Variants in ZNF93 observed in about 807,000 individuals in gnomAD.
ZNF93 encodes zinc finger protein 93.
A neutral mutation model predicts 45.0 loss-of-function variants in ZNF93; 29 were observed. The observed-to-expected ratio is 0.64, with a 90% CI of 0.48 to 0.88. ZNF93 has a LOEUF of 0.88. Among genes scored for constraint, ZNF93 ranks in the 40% least tolerant of loss-of-function variants. ZNF93 has a pLI of 0.00. For missense variants in ZNF93, 578 were observed against 724.0 expected, an observed-to-expected ratio of 0.80 and a Z score of 2.31; for synonymous variants, 223 against 244.6, an observed-to-expected ratio of 0.91 and a Z score of 0.82.
chr19:19,910,917 A>G (rs2063305918), intron 1 of ZNF93, among the ~76,000 whole-genome samples: 1 of 152,280 alleles, frequency 6.6e-6, no homozygotes, highest in African/African-American at 2.4e-5. Context: ...TACAGCCCCC[A>G]TTTGGGAGTG....
intron 3 of ZNF93, among the ~76,000 whole-genome samples, chr19:19,924,091 CTTT>C (rs1599571585): frequency 6.6e-6 from 1 of 151,904 alleles, no homozygotes; most frequent in African/African-American, 2.4e-5. Context: ...CTTCTTTCTT[CTTT>C]CTTTTGTTTT....
chr19:19,914,218 G>A (rs569941542), intron 1 of ZNF93, among the ~76,000 whole-genome samples: 44 of 152,192 alleles, frequency 2.9e-4, no homozygotes, highest in Admixed American at 6.5e-4. Flanking sequence ...GCCTCCACTC[G>A]TGTTCCATTA....
chr19:19,935,367 G>A lies in ZNF93; in HGVS notation c.*549G>A, dbSNP rs1301522680. On this transcript the variant is annotated 3_prime_UTR_variant, in exon 4 of 4. Coordinates refer to ENST00000343769, the MANE Select transcript of ZNF93 (RefSeq NM_031218.4). ...AAAACCCCTCATCACTACAAATTCA[G>A]AGGGCATCTCATCACCCTAAGGGCC... 1 of 153,590 alleles carries A rather than the reference G, an allele frequency of 6.5e-6. No homozygotes were observed. The highest frequency in any genetic ancestry group is 1.4e-5 in the Non-Finnish European group (1 of 69,132). 9.5% of individuals were successfully genotyped at this position (153,590 alleles called of 1,614,324 possible).
intron 3 of ZNF93, chr19:19,927,401 G>A: frequency 2.6e-6 from 1 of 388,222 alleles, no homozygotes; most frequent in African/African-American, 2.1e-5. Flanking sequence ...TATTCACATT[G>A]TTATGCAAAA....
In ZNF93 at chr19:19,934,702, C is replaced by T. The variant is rs775882165; in HGVS notation, c.1747C>T (p.His583Tyr). 1 of 1,613,610 alleles carries T rather than the reference C, an allele frequency of 6.2e-7. No homozygotes were observed. Among genetic ancestry groups the T allele is most frequent in the African/African-American group, 1.3e-5 (1 of 75,014 alleles). ...TAACCATTCTGCAACCCTTTCTTCA[C>T]ATAAGAAAATCCATTCTGGAGAGAA... is the stretch of plus-strand genomic sequence containing the variant. ...AFNHSATLSS[H>Y]KKIHSGEKPY... The change falls in exon 4 of 4, where the codon CAT becomes TAT. Residue 583 changes from histidine to tyrosine, a missense_variant. This residue lies in a region of ZNF93 where 119 missense variants were observed against 123.1 expected (regional missense o/e 0.97). Transcript: ENST00000343769.
Position 19,921,247 on chromosome 19 carries a change from C to G in ZNF93, c.226+4592C>G, listed in dbSNP as rs545087366. ...GTTGTTCAGTTTCCATGTAGTTGAG[C>G]GGTTTTGAGTGAGTTTCTTAATCCT... On this transcript the variant is annotated intron_variant, in intron 3 of 3. Coordinates refer to ENST00000343769, the MANE Select transcript of ZNF93 (RefSeq NM_031218.4). 3.3e-5 allele frequency among the ~76,000 whole-genome samples: 5 copies of G among 152,120 alleles called. No individual in the cohort carries two copies. In the South Asian group the frequency reaches 1.0e-3, roughly 32 times the overall value.
chr19:19,927,085 T>C, intron 3 of ZNF93: 1 of 398,590 alleles, frequency 2.5e-6, no homozygotes, highest in East Asian at 3.6e-5. Context: ...TTTACCATCT[T>C]AAATTTATTG....
At chr19:19,910,329 T>C (rs2063304224) in intron 1 of ZNF93, among the ~76,000 whole-genome samples, 1 of 152,194 alleles carries the variant, frequency 6.6e-6, no homozygotes, top group South Asian at 2.1e-4. Flanking sequence ...TATGTATTCA[T>C]CTCTTGAAAC....
At chr19:19,927,430 A>G (rs2063359679) in intron 3 of ZNF93, 2 of 370,788 alleles carry the variant, frequency 5.4e-6, no homozygotes, top group Non-Finnish European at 9.5e-6. Context: ...GAAACTTAAC[A>G]TCTTGTAAAA....
chr19:19,904,604 A>C (rs2063286985), intron 1 of ZNF93, among the ~76,000 whole-genome samples: 1 of 152,198 alleles, frequency 6.6e-6, no homozygotes, highest in African/African-American at 2.4e-5. Flanking sequence ...ATGTTAGACA[A>C]TGAGTTGGTG....
At position 19,902,952 on chromosome 19, in the gene ZNF93, G is replaced by A. The variant is rs2063279646; in HGVS notation, c.3+1861G>A. On this transcript the variant is annotated intron_variant, in intron 1 of 3. Coordinates refer to ENST00000343769, the MANE Select transcript of ZNF93 (RefSeq NM_031218.4). ...GACGGGGTTTCACCGTGTGAGCCAG[G>A]ATGGTCTCGATCTCATGACCTCATG... Among the ~76,000 whole-genome samples, 3 of 151,576 alleles carry A rather than the reference G, an allele frequency of 2.0e-5. No individual in the cohort carries two copies. The South Asian group carries it at 6.3e-4, about 32-fold the overall frequency.
At chr19:19,909,110 A>G (rs2063300843) in intron 1 of ZNF93, 1 of 152,240 alleles carries the variant, frequency 6.6e-6, no homozygotes, top group African/African-American at 2.4e-5. Context: ...AATTCTATCC[A>G]TGACGCCTGC....
chr19:19,924,076 C>T (rs2063349532), intron 3 of ZNF93, among the ~76,000 whole-genome samples: 1 of 151,870 alleles, frequency 6.6e-6, no homozygotes, highest in Non-Finnish European at 1.5e-5. Flanking sequence ...TTCCTTCCTT[C>T]CTTCCTTCTT....
chr19:19,929,806 C>T (rs1387397593), intron 3 of ZNF93, among the ~76,000 whole-genome samples: 4 of 150,578 alleles, frequency 2.7e-5, no homozygotes, highest in Admixed American at 6.6e-5. Flanking sequence ...GGCGTAGTGG[C>T]GGGCGCCTGT....
At position 19,933,373 on chromosome 19, in the gene ZNF93, A is replaced by G. The variant is rs752817249; in HGVS notation, c.418A>G (p.Thr140Ala). ...TGGACTTAACCAGTGTAGTACAACT[A>G]CCCAGAGCAAAGTATTTCAATGTGA... ...YNGLNQCSTT[T>A]QSKVFQCDKY... is the part of the protein sequence containing the mutation. The change falls in exon 4 of 4, where the codon ACC becomes GCC. Residue 140 changes from threonine (T) to alanine (A), a missense_variant. Physicochemically the swap from Thr to Ala is moderately conservative, Grantham distance 58 (BLOSUM62 0). This residue lies in a region of ZNF93 where 446 missense variants were observed against 547.6 expected (regional missense o/e 0.81). Transcript: ENST00000343769. The G allele has an allele frequency of 1.9e-6, 3 of 1,604,662 alleles. No individual in the cohort carries two copies. The highest frequency in any genetic ancestry group is 2.2e-5 in the South Asian group (2 of 89,294).
chr19:19,904,480 G>C (rs1749624512), intron 1 of ZNF93, among the ~76,000 whole-genome samples: 2 of 152,132 alleles, frequency 1.3e-5, no homozygotes, highest in Non-Finnish European at 2.9e-5. Flanking sequence ...TTAAACAGCA[G>C]CTCAGAAGCA....
intron 3 of ZNF93, among the ~76,000 whole-genome samples, chr19:19,930,821 T>C (rs1211480021): frequency 2.0e-5 from 3 of 152,218 alleles, no homozygotes; most frequent in African/African-American, 7.2e-5. Context: ...ATATCTGGTA[T>C]AACTATTCTT....
chr19:19,904,395 C>G (rs2063286334), intron 1 of ZNF93, among the ~76,000 whole-genome samples: 1 of 152,114 alleles, frequency 6.6e-6, no homozygotes, highest in Non-Finnish European at 1.5e-5. Flanking sequence ...AACATAACTA[C>G]AGTGTTTTGC....
At chr19:19,928,007 C>T (rs1454328068) in intron 3 of ZNF93, among the ~76,000 whole-genome samples, 1 of 152,182 alleles carries the variant, frequency 6.6e-6, no homozygotes, top group Non-Finnish European at 1.5e-5. Context: ...TCACCCTCCC[C>T]AGTTGCTAGG....
Sources: allele counts gnomAD v4.1 joint callset (sites outside exome capture counted in the v4.1 genomes callset), GRCh38; gene constraint gnomAD v4.1.1; regional missense constraint gnomAD v4.1.1; transcripts MANE v1.5; gene names NCBI Gene and HGNC (gene_info 2026-07-23, HGNC 2026-07-21).